The following MON2 variants were observed in gnomAD, a reference collection of about 807,000 sequenced individuals.
MON2 encodes the protein protein MON2 homolog.
Under a neutral mutation model 208.6 loss-of-function variants are expected in MON2, and 84 were observed. That is an observed-to-expected ratio of 0.40 (90% CI 0.34 to 0.48). The LOEUF (loss-of-function observed/expected upper bound fraction) is 0.48, where lower values mean the gene tolerates loss of function less well. MON2 is among the 20% of genes least tolerant of loss of function. The pLI, the probability that MON2 is intolerant of heterozygous loss-of-function variation, is 0.59. For missense variants in MON2, 1,611 were observed against 2,015.4 expected (o/e 0.80, Z 3.84); for synonymous variants, 660 against 694.0 (o/e 0.95, Z 0.77).
intron 34 of MON2, among the ~76,000 whole-genome samples, chr12:62,590,883 G>A (rs548372959): frequency 6.6e-6 from 1 of 152,302 alleles, no homozygotes; most frequent in Non-Finnish European, 1.5e-5. Flanking sequence ...GGCCAGGCCT[G>A]ACCTCAGGTG....
intron 4 of MON2, 132 bp downstream of exon 4, chr12:62,495,279 C>CA: frequency 6.8e-6 from 5 of 737,676 alleles, no homozygotes; most frequent in Non-Finnish European, 1.0e-5. Flanking sequence ...ATTGACATTG[C>CA]ATGTTAATAA....
At chr12:62,558,153 T>G (rs1294068837) in intron 25 of MON2, among the ~76,000 whole-genome samples, 1 of 150,794 alleles carries the variant, frequency 6.6e-6, no homozygotes, top group Non-Finnish European at 1.5e-5. Flanking sequence ...TAATTTTGTA[T>G]TTTTAGTAGA....
At chr12:62,517,162 C>T (rs1169474305) in intron 8 of MON2, among the ~76,000 whole-genome samples, 1 of 152,148 alleles carries the variant, frequency 6.6e-6, no homozygotes, top group Non-Finnish European at 1.5e-5. Flanking sequence ...AGAAGGGTTC[C>T]TCCTCCTCCT....
intron 8 of MON2, among the ~76,000 whole-genome samples, chr12:62,517,721 CAA>C (rs931396247): frequency 2.0e-5 from 3 of 152,192 alleles, no homozygotes; most frequent in Non-Finnish European, 4.4e-5. Context: ...AGAATTGTAA[CAA>C]ATAAATTTCT....
intron 29 of MON2, among the ~76,000 whole-genome samples, chr12:62,569,554 G>C (rs367752907): frequency 7.0e-4 from 107 of 152,318 alleles, no homozygotes; most frequent in African/African-American, 2.5e-3. Context: ...GAGGAAGAGA[G>C]AGAGTGTGTA....
At chr12:62,528,564 T>C (rs2072456799) in intron 11 of MON2, among the ~76,000 whole-genome samples, 2 of 152,208 alleles carry the variant, frequency 1.3e-5, no homozygotes, top group South Asian at 4.1e-4. Context: ...TGTTTTCTTT[T>C]AGGTTTATGG....
At position 62,561,074 on chromosome 12, in the gene MON2, A is replaced by G. The variant is rs746477136; in HGVS notation, c.3993A>G (p.Leu1331=). ...ATACCGAAGCAGTTTTGACAAGTTT[A>G]CAGGAAGCTGTACTTACAGCTTTAG... ...PSYTEAVLTS[L]QEAVLTALDV... is the part of the protein sequence containing the mutation. Residue 1331 remains leucine, a synonymous_variant, in exon 26 of 35, where the codon TTA becomes TTG. Transcript: ENST00000393630. 11 of 1,612,900 alleles carry G rather than the reference A, an allele frequency of 6.8e-6. No homozygotes were observed. The highest frequency in any genetic ancestry group is 8.5e-6 in the Non-Finnish European group (10 of 1,179,464).
chr12:62,507,119 A>C (rs1221846877), intron 7 of MON2, among the ~76,000 whole-genome samples: 1 of 149,010 alleles, frequency 6.7e-6, no homozygotes, highest in Non-Finnish European at 1.5e-5. Context: ...CTGTTCAAGC[A>C]GTCCAAGCAG....
chr12:62,510,321 A>G (rs1429173318), intron 8 of MON2, among the ~76,000 whole-genome samples: 1 of 152,144 alleles, frequency 6.6e-6, no homozygotes, highest in African/African-American at 2.4e-5. Context: ...AAGCCAGACA[A>G]AAATACTACA....
At chr12:62,590,236 A>G (rs985054300) in intron 34 of MON2, among the ~76,000 whole-genome samples, 1 of 151,858 alleles carries the variant, frequency 6.6e-6, no homozygotes, top group African/African-American at 2.4e-5. Context: ...GACTGCAGAT[A>G]CGTGCCACCA....
At chr12:62,547,293 TC>T (rs1333440027) in intron 22 of MON2, among the ~76,000 whole-genome samples, 4 of 152,192 alleles carry the variant, frequency 2.6e-5, no homozygotes, top group Non-Finnish European at 1.5e-5. Context: ...TTTTTAGGGA[TC>T]ACCTTTGGTT....
chr12:62,550,932 T>TTC (rs2073713795), intron 23 of MON2, among the ~76,000 whole-genome samples: 1 of 139,622 alleles, frequency 7.2e-6, no homozygotes, highest in Non-Finnish European at 1.5e-5. Context: ...TTTTTTTTTT[T>TTC]TTCTGAGACG....
At chr12:62,567,693 C>T (rs1236465758) in intron 29 of MON2, among the ~76,000 whole-genome samples, 7 of 152,256 alleles carry the variant, frequency 4.6e-5, no homozygotes, top group African/African-American at 1.7e-4. Context: ...ATTTTTGAAG[C>T]ATCTTTCTAC....
intron 13 of MON2, 101 bp from the exon 14 acceptor site, chr12:62,535,424 T>C: frequency 1.1e-6 from 1 of 888,272 alleles, no homozygotes; most frequent in Non-Finnish European, 1.6e-6. Context: ...TATTTTTGTA[T>C]AGATTTTCTT....
intron 8 of MON2, among the ~76,000 whole-genome samples, chr12:62,519,296 C>G (rs1033089972): frequency 6.6e-6 from 1 of 152,108 alleles, no homozygotes; most frequent in African/African-American, 2.4e-5. Context: ...CTGAAATCGC[C>G]TCAGCTGAGT....
chr12:62,474,410 G>C (rs1365037029), intron 1 of MON2, among the ~76,000 whole-genome samples: 1 of 151,570 alleles, frequency 6.6e-6, no homozygotes, highest in Non-Finnish European at 1.5e-5. Context: ...GAGCCACTGC[G>C]CCTGGCCTCT....
chr12:62,544,359 T>G (rs2073383354), intron 20 of MON2, among the ~76,000 whole-genome samples: 1 of 152,032 alleles, frequency 6.6e-6, no homozygotes, highest in Admixed American at 6.5e-5. Context: ...ATGGGGAGAA[T>G]TGCTTGAACC....
intron 32 of MON2, among the ~76,000 whole-genome samples, chr12:62,585,065 G>GCA (rs57834850): frequency 8.8e-4 from 87 of 98,822 alleles, no homozygotes; most frequent in African/African-American, 1.4e-3. Context: ...CTCTCTACAT[G>GCA]CACACACACA....
At chr12:62,504,095 G>C (rs1232406033) in intron 7 of MON2, among the ~76,000 whole-genome samples, 2 of 152,066 alleles carry the variant, frequency 1.3e-5, no homozygotes, top group Non-Finnish European at 2.9e-5. Flanking sequence ...TTTAGTAATA[G>C]TGCCTGGCAT....
Sources: gnomAD v4.1 joint callset for allele counts (sites outside exome capture counted in the v4.1 genomes callset) on GRCh38, gnomAD v4.1.1 for gene constraint, MANE v1.5 for transcripts, NCBI Gene and HGNC (gene_info 2026-07-23, HGNC 2026-07-21) for gene names.